The following RBFOX1 variants were observed in gnomAD, a reference collection of about 807,000 sequenced individuals.
The protein encoded by RBFOX1 is RNA binding protein fox-1 homolog 1.
A neutral mutation model predicts 57.7 loss-of-function variants in RBFOX1; 8 were observed. The observed-to-expected ratio is 0.14, with a 90% CI of 0.08 to 0.25. The LOEUF (loss-of-function observed/expected upper bound fraction) is 0.25, where lower values mean the gene tolerates loss of function less well. Among genes scored for constraint, RBFOX1 ranks in the 10% least tolerant of loss-of-function variants. The pLI, the probability that RBFOX1 is intolerant of heterozygous loss-of-function variation, is 1.00. For synonymous variants in RBFOX1, 326 were observed against 222.4 expected (o/e 1.47, Z -4.15); for missense variants, 611 against 548.5 (o/e 1.11, Z -1.14).
At chr16:7,705,620 G>T (rs1481223010) in intron 14 of RBFOX1, among the ~76,000 whole-genome samples, 1 of 152,164 alleles carries the variant, frequency 6.6e-6, no homozygotes, top group African/African-American at 2.4e-5. Flanking sequence ...TTTTATTCTA[G>T]GATCAATGGA....
chr16:5,308,259 A>G (rs1383242507), intron 1 of RBFOX1, among the ~76,000 whole-genome samples: 1 of 151,930 alleles, frequency 6.6e-6, no homozygotes, highest in Non-Finnish European at 1.5e-5. Flanking sequence ...CCTGGGAGGC[A>G]GAGGTTGCAG....
intron 10 of RBFOX1, among the ~76,000 whole-genome samples, chr16:7,611,577 C>G (rs1367945535): frequency 7.0e-6 from 1 of 141,880 alleles, no homozygotes; most frequent in East Asian, 2.0e-4. Flanking sequence ...AAAACTCTGT[C>G]TCAAAAAAAA....
intron 1 of RBFOX1, among the ~76,000 whole-genome samples, chr16:5,432,385 T>A (rs1216779746): frequency 6.6e-6 from 1 of 152,174 alleles, no homozygotes; most frequent in Non-Finnish European, 1.5e-5. Context: ...GCTCCGTGCC[T>A]CCGCCGGCCC....
At chr16:6,261,321 C>T (rs1265661774) in intron 1 of RBFOX1, among the ~76,000 whole-genome samples, 1 of 152,200 alleles carries the variant, frequency 6.6e-6, no homozygotes, top group Non-Finnish European at 1.5e-5. Flanking sequence ...TTAGCCTCAT[C>T]TTTCAGTTTT....
chr16:6,952,395 C>G, intron 3 of RBFOX1, among the ~76,000 whole-genome samples: 1 of 152,048 alleles, frequency 6.6e-6, no homozygotes, highest in East Asian at 1.9e-4. Context: ...ACCTGTAATC[C>G]CAGCACTTTG....
intron 2 of RBFOX1, among the ~76,000 whole-genome samples, chr16:6,369,925 A>G (rs981789803): frequency 6.6e-6 from 1 of 152,144 alleles, no homozygotes; most frequent in Non-Finnish European, 1.5e-5. Context: ...CCCAATAATG[A>G]CCTTGATGGC....
intron 4 of RBFOX1, among the ~76,000 whole-genome samples, chr16:7,098,891 G>A (rs956970485): frequency 1.8e-4 from 28 of 152,084 alleles, no homozygotes; most frequent in South Asian, 2.1e-4. Flanking sequence ...GTAACCCTCA[G>A]TTTCTTCATC....
At chr16:5,348,129 C>T (rs867105082) in intron 1 of RBFOX1, among the ~76,000 whole-genome samples, 1 of 150,346 alleles carries the variant, frequency 6.7e-6, no homozygotes, top group Admixed American at 6.6e-5. Context: ...CATCCACCCA[C>T]CTATCCATCC....
chr16:6,819,570 G>T (rs959938269), intron 3 of RBFOX1, among the ~76,000 whole-genome samples: 1 of 151,802 alleles, frequency 6.6e-6, no homozygotes, highest in Non-Finnish European at 1.5e-5. Context: ...GGGCCTGTTG[G>T]CGTGTATGCC....
intron 2 of RBFOX1, among the ~76,000 whole-genome samples, chr16:5,582,861 C>G (rs1188711520): frequency 6.6e-6 from 1 of 152,158 alleles, no homozygotes; most frequent in Non-Finnish European, 1.5e-5. Context: ...GATTCTGCCT[C>G]TCATTCAACT....
chr16:6,549,268 G>A (rs1599533556), intron 2 of RBFOX1, among the ~76,000 whole-genome samples: 1 of 15,378 alleles, frequency 6.5e-5, no homozygotes, highest in East Asian at 1.2e-3. Flanking sequence ...GAGGAGGAGA[G>A]GAGGGAGGAG....
intron 4 of RBFOX1, among the ~76,000 whole-genome samples, chr16:5,950,458 C>CT (rs2059496929): frequency 1.3e-5 from 2 of 152,154 alleles, no homozygotes; most frequent in Admixed American, 1.3e-4. Flanking sequence ...TATGGTCATT[C>CT]TTTCTATTTT....
chr16:6,970,053 C>T (rs1016961544), intron 3 of RBFOX1, among the ~76,000 whole-genome samples: 8 of 152,018 alleles, frequency 5.3e-5, no homozygotes, highest in Admixed American at 1.3e-4. Flanking sequence ...TGGCATACAC[C>T]TGTAGTTCCA....
intron 4 of RBFOX1, among the ~76,000 whole-genome samples, chr16:7,163,898 G>A (rs1213507654): frequency 6.6e-6 from 1 of 152,114 alleles, no homozygotes; most frequent in African/African-American, 2.4e-5. Flanking sequence ...GACCTCAAAT[G>A]ATCCATCCAC....
intron 1 of RBFOX1, among the ~76,000 whole-genome samples, chr16:6,160,376 CTT>C (rs1269027583): frequency 1.2e-4 from 18 of 152,114 alleles, no homozygotes; most frequent in Non-Finnish European, 4.4e-5. Flanking sequence ...ATCTCACAAA[CTT>C]TTTTTCTGTG....
intron 3 of RBFOX1, among the ~76,000 whole-genome samples, chr16:5,712,936 G>C (rs1427061983): frequency 1.3e-5 from 2 of 151,574 alleles, no homozygotes; most frequent in Admixed American, 6.6e-5. Flanking sequence ...ATTGAACCCA[G>C]CTCCAAATGC....
At chr16:5,805,985 G>A (rs550890457) in intron 3 of RBFOX1, among the ~76,000 whole-genome samples, 1 of 150,666 alleles carries the variant, frequency 6.6e-6, no homozygotes, top group Non-Finnish European at 1.5e-5. Flanking sequence ...ATCTCTCAGT[G>A]AGTCAATAAA....
rs528782602 is a variant in RBFOX1, at chr16:6,618,172, C to T, written c.-63-36431C>T. ...GACATGAGGAGGGGTTAGTTTGGGT[C>T]TGACTCTCCAGTTCACCTCCCAGCA... On this transcript the variant is annotated intron_variant, in intron 2 of 15. Coordinates refer to ENST00000550418, the MANE Select transcript of RBFOX1 (RefSeq NM_018723.4). Among the ~76,000 whole-genome samples, 111 of 152,238 alleles carry T rather than the reference C, an allele frequency of 7.3e-4. 1 individual carries two copies. The highest frequency in any genetic ancestry group is 1.9e-3 in the South Asian group (9 of 4,820).
At chr16:7,271,394 T>G (rs574025289) in intron 4 of RBFOX1, among the ~76,000 whole-genome samples, 2 of 152,080 alleles carry the variant, frequency 1.3e-5, no homozygotes, top group Non-Finnish European at 2.9e-5. Context: ...TGTAGTGATT[T>G]TTTTCTACAT....
Sources: gnomAD v4.1 joint callset for allele counts (sites outside exome capture counted in the v4.1 genomes callset) on GRCh38, gnomAD v4.1.1 for gene constraint, MANE v1.5 for transcripts, NCBI Gene and HGNC (gene_info 2026-07-23, HGNC 2026-07-21) for gene names.